CADM2: variants seen among roughly 807,000 people sequenced by gnomAD.
CADM2 encodes the protein cell adhesion molecule 2, also known as immunoglobulin superfamily member 4D.
A neutral mutation model predicts 49.8 loss-of-function variants in CADM2; 12 were observed. That is an observed-to-expected ratio of 0.24 (90% CI 0.15 to 0.39). The LOEUF (loss-of-function observed/expected upper bound fraction) is 0.39. Among genes scored for constraint, CADM2 ranks in the 10% least tolerant of loss-of-function variants. The probability of loss-of-function intolerance (pLI) is 1.00; values close to 1 mark genes in which losing one functional copy is unlikely to be tolerated. For synonymous variants in CADM2, 214 were observed against 175.4 expected (o/e 1.22, Z -1.74); for missense variants, 378 against 492.3 (o/e 0.77, Z 2.20).
At chr3:85,882,156 C>G (rs1712896218) in intron 3 of CADM2, among the ~76,000 whole-genome samples, 1 of 151,240 alleles carries the variant, frequency 6.6e-6, no homozygotes, top group Admixed American at 6.6e-5. Flanking sequence ...ATCCCCCCGC[C>G]CCCACCCCGC....
intron 1 of CADM2, among the ~76,000 whole-genome samples, chr3:85,368,015 G>T (rs1026624288): frequency 2.0e-5 from 3 of 152,014 alleles, no homozygotes; most frequent in Non-Finnish European, 4.4e-5. Context: ...CAACGTAGAA[G>T]AAATAACTGA....
intron 1 of CADM2, among the ~76,000 whole-genome samples, chr3:85,607,402 A>G (rs966244536): frequency 6.6e-6 from 1 of 152,106 alleles, no homozygotes; most frequent in African/African-American, 2.4e-5. Flanking sequence ...AGGGAAGTTA[A>G]GGAGTAGTAA....
chr3:85,316,249 T>C (rs1490942749), intron 1 of CADM2, among the ~76,000 whole-genome samples: 1 of 152,186 alleles, frequency 6.6e-6, no homozygotes, highest in Non-Finnish European at 1.5e-5. Context: ...CTGTTGACCA[T>C]CTATATATAT....
chr3:85,111,010 T>C (rs997127645), intron 1 of CADM2, among the ~76,000 whole-genome samples: 2 of 151,868 alleles, frequency 1.3e-5, no homozygotes, highest in African/African-American at 4.8e-5. Context: ...TCTACCTTTT[T>C]ATGTAAGCAA....
chr3:85,719,379 C>A (rs1187398060), intron 1 of CADM2, among the ~76,000 whole-genome samples: 1 of 152,092 alleles, frequency 6.6e-6, no homozygotes, highest in Non-Finnish European at 1.5e-5. Context: ...TGACTCCCCA[C>A]CACAGTCAAA....
At chr3:85,098,440 T>G (rs112241829) in intron 1 of CADM2, among the ~76,000 whole-genome samples, 1 of 152,246 alleles carries the variant, frequency 6.6e-6, no homozygotes, top group South Asian at 2.1e-4. Context: ...TCACCACGCT[T>G]TTTTGAACCT....
At chr3:85,603,354 T>C (rs529500569) in intron 1 of CADM2, among the ~76,000 whole-genome samples, 1 of 151,964 alleles carries the variant, frequency 6.6e-6, no homozygotes, top group African/African-American at 2.4e-5. Flanking sequence ...GTTTAACTAC[T>C]TAACTTTGCA....
chr3:85,779,793 A>G (rs914783382), intron 2 of CADM2, among the ~76,000 whole-genome samples: 1 of 152,140 alleles, frequency 6.6e-6, no homozygotes, highest in African/African-American at 2.4e-5. Context: ...CAGGATGGGA[A>G]CTGCATATTT....
chr3:85,361,065 T>C (rs918277768), intron 1 of CADM2, among the ~76,000 whole-genome samples: 3 of 152,200 alleles, frequency 2.0e-5, no homozygotes, highest in African/African-American at 7.2e-5. Flanking sequence ...ACGTGTGTCA[T>C]AGCCATCTTT....
At chr3:85,888,539 A>G (rs1269682974) in intron 5 of CADM2, among the ~76,000 whole-genome samples, 1 of 152,116 alleles carries the variant, frequency 6.6e-6, no homozygotes, top group Admixed American at 6.6e-5. Context: ...CATTTTTTCT[A>G]TGCTCTTCAA....
Position 85,801,163 on chromosome 3 carries a change from A to G in CADM2, c.89-884A>G, listed in dbSNP as rs533042568. Among the ~76,000 whole-genome samples, 23 of 152,260 alleles carry G rather than the reference A, an allele frequency of 1.5e-4. No homozygotes were observed. The East Asian group carries it at 4.1e-3, about 27-fold the overall frequency. ...CATCTTGCTGAAGAGAAATTTATGT[A>G]TTATGTATCCGTGTGCATAAATTTT... On this transcript the variant is annotated intron_variant, in intron 2 of 9. Transcript: ENST00000383699.
At chr3:85,662,592 T>A (rs1436511992) in intron 1 of CADM2, among the ~76,000 whole-genome samples, 1 of 152,076 alleles carries the variant, frequency 6.6e-6, no homozygotes, top group Non-Finnish European at 1.5e-5. Context: ...ATGGAGCAAC[T>A]TCAGGTCTCT....
intron 3 of CADM2, among the ~76,000 whole-genome samples, chr3:85,812,892 T>C (rs774257500): frequency 6.6e-6 from 1 of 152,208 alleles, no homozygotes; most frequent in Non-Finnish European, 1.5e-5. Context: ...TCCTTCTTTA[T>C]CGCTTCATAG....
intron 1 of CADM2, among the ~76,000 whole-genome samples, chr3:84,967,259 G>T (rs2107068628): frequency 6.6e-6 from 1 of 152,146 alleles, no homozygotes; most frequent in Non-Finnish European, 1.5e-5. Context: ...ATTCTAAAAT[G>T]CAGGTGCCTT....
At chr3:85,248,013 T>A (rs1039367845) in intron 1 of CADM2, among the ~76,000 whole-genome samples, 1 of 152,176 alleles carries the variant, frequency 6.6e-6, no homozygotes, top group African/African-American at 2.4e-5. Context: ...CATCATCTTC[T>A]TTCAGCATTT....
At chr3:85,305,651 AT>A (rs2044195528) in intron 1 of CADM2, among the ~76,000 whole-genome samples, 1 of 151,820 alleles carries the variant, frequency 6.6e-6, no homozygotes, top group East Asian at 1.9e-4. Context: ...CCTTTCCAAA[AT>A]CAGAATATTA....
At chr3:85,189,151 A>G (rs1042761335) in intron 1 of CADM2, among the ~76,000 whole-genome samples, 1 of 151,844 alleles carries the variant, frequency 6.6e-6, no homozygotes, top group Non-Finnish European at 1.5e-5. Flanking sequence ...GTAAGCTATT[A>G]ATATTATATA....
intron 3 of CADM2, among the ~76,000 whole-genome samples, 172 bp downstream of exon 3, chr3:85,802,368 A>G (rs2072102338): frequency 6.6e-6 from 1 of 152,156 alleles, no homozygotes; most frequent in South Asian, 2.1e-4. Context: ...TAAACACCAA[A>G]GATAACCTAT....
At chr3:85,802,499 A>G (rs2072112165) in intron 3 of CADM2, among the ~76,000 whole-genome samples, 1 of 152,070 alleles carries the variant, frequency 6.6e-6, no homozygotes, top group Non-Finnish European at 1.5e-5. Flanking sequence ...TATGTTGTGT[A>G]TAGTTTGAGT....
Sources: gnomAD v4.1 joint callset for allele counts (sites outside exome capture counted in the v4.1 genomes callset) on GRCh38, gnomAD v4.1.1 for gene constraint, MANE v1.5 for transcripts, NCBI Gene and HGNC (gene_info 2026-07-23, HGNC 2026-07-21) for gene names.